The following SLC10A3 variants were observed in gnomAD, a reference collection of about 807,000 sequenced individuals.
SLC10A3 encodes the protein P3 protein.
In SLC10A3, 1 loss-of-function variant was observed where a neutral mutation model predicts 1.9. That is an observed-to-expected ratio of 0.52 (90% CI 0.19 to 2.48). The LOEUF is 2.48. Ranked by LOEUF, SLC10A3 falls within the 30% of genes most tolerant of loss-of-function variation. The pLI is 0.25. For synonymous variants in SLC10A3, 202 were observed against 189.3 expected (o/e 1.07, Z -0.55); for missense variants, 317 against 398.5 (o/e 0.80, Z 1.74).
At position 154,488,777 on chromosome X, in the gene SLC10A3, C is replaced by G. The variant is rs782219711; in HGVS notation, c.164G>C (p.Gly55Ala). ...GCCCCCAGTCGGTGGCACGGTGTGACCCCCAGCAGTGCTGAGGCTGGTGCT... is the reference window on the plus strand; with the variant it reads ...GCCCCCAGTCGGTGGCACGGTGTGAGCCCCAGCAGTGCTGAGGCTGGTGCT... ...TASTSLSTAG[G>A]HTVPPTGGRY... is the part of the protein sequence containing the mutation. Residue 55 changes from glycine to alanine, a missense_variant, in exon 2 of 2, where the codon GGT becomes GCT. By Grantham distance (60) the Gly-to-Ala change is moderately conservative. Coordinates refer to ENST00000651600, the MANE Select transcript of SLC10A3 (RefSeq NM_019848.5). 1 of 1,210,991 alleles carries G rather than the reference C, an allele frequency of 8.3e-7. No homozygotes were observed. The highest frequency in any genetic ancestry group is 1.1e-6 in the Non-Finnish European group (1 of 894,815).
Position 154,487,670 on chromosome X carries a change from T to C in SLC10A3, c.1271A>G (p.Gln424Arg). 8.3e-7 allele frequency: 1 copy of C among 1,209,869 alleles called. No individual in the cohort carries two copies. The highest frequency in any genetic ancestry group is 1.1e-6 in the Non-Finnish European group (1 of 894,541). Reference protein sequence around the residue: ...RRTVSIEVGVQNSLLALAMLQ... With the variant: ...RRTVSIEVGVRNSLLALAMLQ... Reference sequence around the variant, plus strand: ...CATGGCCAAGGCCAGCAGGCTGTTCTGCACCCCTACCTCAATGCTGACCGT... The same window carrying C: ...CATGGCCAAGGCCAGCAGGCTGTTCCGCACCCCTACCTCAATGCTGACCGT... The change falls in exon 2 of 2, where the codon CAG (glutamine) becomes CGG (arginine). Residue 424 changes from glutamine to arginine, a missense_variant. Physicochemically the swap from Gln to Arg is conservative, Grantham distance 43. Coordinates refer to ENST00000651600, the MANE Select transcript of SLC10A3 (RefSeq NM_019848.5).
chrX:154,489,981 G>A (rs1298033576), intron 1 of SLC10A3: 5 of 1,065,452 alleles, frequency 4.7e-6, no homozygotes, highest in Non-Finnish European at 6.1e-6. Context: ...TACCTCTGAA[G>A]AGGGAGGCAG....
chrX:154,488,004 G>C lies in SLC10A3; in HGVS notation c.937C>G (p.His313Asp), dbSNP rs1557213523. ...SAIYSRLLSIHETLHVPISKI... is the reference protein window; with the variant it reads ...SAIYSRLLSIDETLHVPISKI... ...GAGATGGGCACGTGGAGCGTCTCAT[G>C]GATGCTGAGCAGGCGGCTGTAGATG... Residue 313 changes from histidine (H) to aspartate (D), a missense_variant, in exon 2 of 2, where the codon CAT (histidine) becomes GAT (aspartate). Physicochemically the swap from His to Asp is moderately conservative, Grantham distance 81 (BLOSUM62 -1). Coordinates refer to ENST00000651600, the MANE Select transcript of SLC10A3 (RefSeq NM_019848.5). 3 of 1,209,965 alleles carry C rather than the reference G, an allele frequency of 2.5e-6. No individual in the cohort carries two copies. In the Admixed American group the frequency reaches 6.5e-5, roughly 26 times the overall value.
chrX:154,490,397 A>G lies in SLC10A3; in HGVS notation c.-233T>C. On this transcript the variant is annotated 5_prime_UTR_variant, in exon 1 of 2. Transcript: ENST00000651600. The stretch of plus-strand genomic sequence containing the variant: ...AAGGAAGGGCACGCCGCCGTCCCAC[A>G]GCCGGCGACCCGCTCGGGCCGTCTC... 8 of 745,418 alleles carry G rather than the reference A, an allele frequency of 1.1e-5. No individual in the cohort carries two copies. Among genetic ancestry groups the G allele is most frequent in the Non-Finnish European group, 1.3e-5 (8 of 631,371 alleles). 61.4% of individuals were successfully genotyped at this position (745,418 alleles called of 1,213,427 possible).
intron 1 of SLC10A3, chrX:154,489,881 C>G: frequency 3.0e-6 from 3 of 999,196 alleles, no homozygotes; most frequent in Non-Finnish European, 3.9e-6. Flanking sequence ...CCCGGCGAGC[C>G]TCCCCTATCC....
rs781947767 is a variant in SLC10A3 at position 154,487,662 on chromosome X, G to A, written c.1279C>T (p.Leu427=). 1 of 1,208,899 alleles carries A rather than the reference G, an allele frequency of 8.3e-7. No individual in the cohort carries two copies. Among genetic ancestry groups the A allele is most frequent in the African/African-American group, 1.7e-5 (1 of 57,479 alleles). ...VSIEVGVQNS[L]LALAMLQLSL... ...AGCTGCAGCATGGCCAAGGCCAGCA[G>A]GCTGTTCTGCACCCCTACCTCAATG... The change falls in exon 2 of 2, where the codon CTG becomes TTG. Residue 427 remains leucine (L), a synonymous_variant. Transcript: ENST00000651600.
chrX:154,488,606 G>C lies in SLC10A3; in HGVS notation c.335C>G (p.Thr112Arg), dbSNP rs782557066. ...GPMLRVTSLD[T>R]EVLTIKNVSA... ...CACGTTCTTGATGGTCAGCACCTCT[G>C]TGTCCAGGGAGGTGACCCTGAGCAT... The change falls in exon 2 of 2, where the codon ACA becomes AGA. Residue 112 changes from threonine to arginine, a missense_variant. Transcript: ENST00000651600. 7 of 1,209,990 alleles carry C rather than the reference G, an allele frequency of 5.8e-6. No homozygotes were observed. In the Admixed American group the frequency reaches 1.1e-4, roughly 19 times the overall value.
Position 154,488,451 on chromosome X carries a change from T to C in SLC10A3, c.490A>G (p.Arg164Gly). The C allele has an allele frequency of 8.3e-7, 1 of 1,210,319 alleles. No individual in the cohort carries two copies. The highest frequency in any genetic ancestry group is 1.8e-5 in the South Asian group (1 of 56,937). Residue 164 changes from arginine (R) to glycine (G), a missense_variant, in exon 2 of 2, where the codon AGA (arginine) becomes GGA (glycine). Arg to Gly is a moderately radical substitution (Grantham distance 125, BLOSUM62 -2). Coordinates refer to ENST00000651600, the MANE Select transcript of SLC10A3 (RefSeq NM_019848.5). ...EAPPTLIEER[R>G]DFCIKVSPAE... is the part of the protein sequence containing the mutation. Reference sequence around the variant, plus strand: ...GGTGAGACCTTGATGCAGAAGTCTCTCCGCTCCTCAATCAGTGTGGGCGGG... The same window carrying C: ...GGTGAGACCTTGATGCAGAAGTCTCCCCGCTCCTCAATCAGTGTGGGCGGG...
Position 154,487,337 on chromosome X carries a change from T to C in SLC10A3, c.*170A>G, listed in dbSNP as rs1372614335. 4 of 598,513 alleles carry C rather than the reference T, an allele frequency of 6.7e-6. No individual in the cohort carries two copies. Among genetic ancestry groups the C allele is most frequent in the Non-Finnish European group, 1.0e-5 (4 of 387,353 alleles). The allele number at this position is 598,513 out of a possible 1,213,427, so 49.3% of individuals were successfully genotyped here. The stretch of plus-strand genomic sequence containing the variant: ...TGCTTCTCTCTTTTATTGAAATATA[T>C]TTTCTGGGCAGCGCCCACCTACCTA... On this transcript the variant is annotated 3_prime_UTR_variant, in exon 2 of 2. Transcript: ENST00000651600.
rs146406571 is a variant in SLC10A3, at chrX:154,487,649, G to A, written c.1292C>T (p.Ala431Val). Reference protein sequence around the residue: ...VGVQNSLLALAMLQLSLRRLQ... With the variant: ...VGVQNSLLALVMLQLSLRRLQ... ...GCGGCGGAGGGATAGCTGCAGCATG[G>A]CCAAGGCCAGCAGGCTGTTCTGCAC... The change falls in exon 2 of 2, where the codon GCC (alanine) becomes GTC (valine). Residue 431 changes from alanine (A) to valine (V), a missense_variant. Coordinates refer to ENST00000651600, the MANE Select transcript of SLC10A3 (RefSeq NM_019848.5). 1 of 1,210,138 alleles carries A rather than the reference G, an allele frequency of 8.3e-7. No individual in the cohort carries two copies. Among genetic ancestry groups the A allele is most frequent in the Non-Finnish European group, 1.1e-6 (1 of 894,803 alleles).
In SLC10A3 at chrX:154,488,140, G is replaced by C; in HGVS notation, c.801C>G (p.Gly267=). The C allele has an allele frequency of 8.3e-7, 1 of 1,211,096 alleles. No individual in the cohort carries two copies. Among genetic ancestry groups the C allele is most frequent in the Non-Finnish European group, 1.1e-6 (1 of 895,370 alleles). Reference sequence around the variant, plus strand: ...GGAGGCTGAAGAGGTAGCTCCCCCCGCCGCCAGGCGACGAGCAGGTGATGA... The same window carrying C: ...GGAGGCTGAAGAGGTAGCTCCCCCCCCCGCCAGGCGACGAGCAGGTGATGA... ...GLIITCSSPG[G]GGSYLFSLLL... The change falls in exon 2 of 2, where the codon GGC becomes GGG. Residue 267 remains glycine, a synonymous_variant. Transcript: ENST00000651600.
Position 154,488,022 on chromosome X carries a change from T to A in SLC10A3, c.919A>T (p.Ser307Cys), listed in dbSNP as rs1282864658. Reference protein sequence around the residue: ...GFLPLSSAIYSRLLSIHETLH... With the variant: ...GFLPLSSAIYCRLLSIHETLH... ...GTCTCATGGATGCTGAGCAGGCGGCTGTAGATGGCCGAAGACAGAGGCAAG... is the reference window on the plus strand; with the variant it reads ...GTCTCATGGATGCTGAGCAGGCGGCAGTAGATGGCCGAAGACAGAGGCAAG... Residue 307 changes from serine (S) to cysteine (C), a missense_variant, in exon 2 of 2, where the codon AGC becomes TGC. Ser to Cys is a moderately radical substitution (Grantham distance 112). Transcript: ENST00000651600. 1 of 1,210,769 alleles carries A rather than the reference T, an allele frequency of 8.3e-7. No homozygotes were observed.
At chrX:154,489,257 A>G (rs2069353562) in intron 1 of SLC10A3, 175 bp from the exon 2 acceptor site, 1 of 754,542 alleles carries the variant, frequency 1.3e-6, no homozygotes, top group Non-Finnish European at 1.6e-6. Context: ...CCCCACACTC[A>G]GGAATGGAGA....
Position 154,488,182 on chromosome X carries a change from G to A in SLC10A3, c.759C>T (p.Ala253=). 1.7e-6 allele frequency: 2 copies of A among 1,211,534 alleles called. No individual in the cohort carries two copies. The highest frequency in any genetic ancestry group is 2.2e-6 in the Non-Finnish European group (2 of 895,473). The change falls in exon 2 of 2, where the codon GCC becomes GCT. Residue 253 remains alanine, a synonymous_variant. Transcript: ENST00000651600. The part of the protein sequence containing the change: ...LMAKVFMLPK[A]LALGLIITCS... ...AGGTGATGATGAGGCCCAGAGCCAG[G>A]GCCTTGGGCAGCATGAAGACCTTGG... is the stretch of plus-strand genomic sequence containing the variant.
At chrX:154,489,788 G>A (rs900081637) in intron 1 of SLC10A3, 3 of 752,038 alleles carry the variant, frequency 4.0e-6, no homozygotes, top group East Asian at 1.5e-4. Context: ...GATCCTATCC[G>A]TCTTTGGCAT....
At position 154,487,592 on chromosome X, in the gene SLC10A3, A is replaced by G; in HGVS notation, c.1349T>C (p.Phe450Ser). The G allele has an allele frequency of 8.3e-7, 1 of 1,210,425 alleles. No homozygotes were observed. ...LQADYASQAP[F>S]IVALSGTSEM... ...GGAGGTGCCGCTCAGCGCCACAATGAAGGGGGCCTGGGAGGCATAGTCAGC... is the reference window on the plus strand; with the variant it reads ...GGAGGTGCCGCTCAGCGCCACAATGGAGGGGGCCTGGGAGGCATAGTCAGC... The change falls in exon 2 of 2, where the codon TTC becomes TCC. Residue 450 changes from phenylalanine (F) to serine (S), a missense_variant. Coordinates refer to ENST00000651600, the MANE Select transcript of SLC10A3 (RefSeq NM_019848.5).
rs2069339406 is a variant in SLC10A3, at chrX:154,488,524, C to G, written c.417G>C (p.Leu139=). ...GGATGTGGAGTGGGGCCAGCCCAGC[C>G]AGGCCTGAGTGGATGCTCACCACAA... is the stretch of plus-strand genomic sequence containing the variant. ...GGFVVSIHSG[L]AGLAPLHIQL... The change falls in exon 2 of 2, where the codon CTG becomes CTC. Residue 139 remains leucine, a synonymous_variant. Transcript: ENST00000651600. 1 of 1,210,657 alleles carries G rather than the reference C, an allele frequency of 8.3e-7. No homozygotes were observed. The highest frequency in any genetic ancestry group is 1.1e-6 in the Non-Finnish European group (1 of 895,040).
In SLC10A3 at chrX:154,487,964, G is replaced by C. The variant is rs782316383; in HGVS notation, c.977C>G (p.Thr326Ser). The change falls in exon 2 of 2, where the codon ACC becomes AGC. Residue 326 changes from threonine to serine, a missense_variant. By Grantham distance (58) the Thr-to-Ser change is moderately conservative (BLOSUM62 1). Coordinates refer to ENST00000651600, the MANE Select transcript of SLC10A3 (RefSeq NM_019848.5). ...LHVPISKILGTLLFIAIPIAV... is the reference protein window; with the variant it reads ...LHVPISKILGSLLFIAIPIAV... ...TATGGGGATGGCAATGAACAGCAGG[G>C]TCCCCAGGATCTTGGAGATGGGCAC... 1 of 1,211,586 alleles carries C rather than the reference G, an allele frequency of 8.3e-7. No homozygotes were observed. The highest frequency in any genetic ancestry group is 3.0e-5 in the East Asian group (1 of 33,864).
Position 154,487,483 on chromosome X carries a change from T to C in SLC10A3, c.*24A>G. ...TTTGGTGGAGTGTGGGGGCTGGGGCTGATGAAAGCTTGACCCAGAGGCCTC... is the reference window on the plus strand; with the variant it reads ...TTTGGTGGAGTGTGGGGGCTGGGGCCGATGAAAGCTTGACCCAGAGGCCTC... On this transcript the variant is annotated 3_prime_UTR_variant, in exon 2 of 2. Coordinates refer to ENST00000651600, the MANE Select transcript of SLC10A3 (RefSeq NM_019848.5). 1 of 1,209,831 alleles carries C rather than the reference T, an allele frequency of 8.3e-7. No individual in the cohort carries two copies. Among genetic ancestry groups the C allele is most frequent in the Non-Finnish European group, 1.1e-6 (1 of 894,685 alleles).
Sources: allele counts gnomAD v4.1 joint callset, GRCh38; gene constraint gnomAD v4.1.1; transcripts MANE v1.5; gene names NCBI Gene and HGNC (gene_info 2026-07-23, HGNC 2026-07-21).